PCLO: variants seen among roughly 807,000 people sequenced by gnomAD.
PCLO encodes piccolo presynaptic cytomatrix protein, also known as protein piccolo.
In PCLO, 82 loss-of-function variants were observed where a neutral mutation model predicts 427.5. The observed-to-expected ratio is 0.19, with a 90% confidence interval of 0.16 to 0.23. The LOEUF (loss-of-function observed/expected upper bound fraction) is 0.23. PCLO is among the 10% of genes least tolerant of loss of function. PCLO has a pLI of 1.00. For synonymous variants in PCLO, 2,357 were observed against 2,155.4 expected (o/e 1.09, Z -2.59); for missense variants, 6,239 against 6,115.9 (o/e 1.02, Z -0.67).
At chr7:83,100,109 CA>C (rs748844800) in intron 3 of PCLO, among the ~76,000 whole-genome samples, 3 of 152,048 alleles carry the variant, frequency 2.0e-5, no homozygotes, top group Non-Finnish European at 4.4e-5. Flanking sequence ...ACTGTGTCAA[CA>C]ATGTTGCTCA....
At chr7:82,842,866 C>T (rs1792401700) in intron 13 of PCLO, among the ~76,000 whole-genome samples, 1 of 151,980 alleles carries the variant, frequency 6.6e-6, no homozygotes, top group African/African-American at 2.4e-5. Flanking sequence ...TCAACTCACC[C>T]CAGTCAAAAT....
intron 22 of PCLO, among the ~76,000 whole-genome samples, chr7:82,770,009 G>A (rs752790907): frequency 2.0e-4 from 31 of 152,082 alleles, no homozygotes; most frequent in African/African-American, 7.5e-4. Flanking sequence ...AGTCATTATG[G>A]AAAGTCTTAT....
intron 3 of PCLO, among the ~76,000 whole-genome samples, chr7:83,015,410 T>G (rs1788182583): frequency 6.6e-6 from 1 of 152,060 alleles, no homozygotes; most frequent in African/African-American, 2.4e-5. Flanking sequence ...TGAGATTTCT[T>G]TTCTTTACTG....
At chr7:83,121,681 GAT>G (rs35164118) in intron 3 of PCLO, among the ~76,000 whole-genome samples, 74,321 of 151,392 alleles carry the variant, frequency 0.49, 19,107 homozygotes, top group East Asian at 0.69. Flanking sequence ...GATGGAAAAA[GAT>G]ATTTCATGCA....
intron 7 of PCLO, among the ~76,000 whole-genome samples, chr7:82,913,352 G>A (rs879013016): frequency 6.6e-6 from 1 of 151,990 alleles, no homozygotes; most frequent in African/African-American, 2.4e-5. Context: ...AAAGATGTAG[G>A]AAAAAAATCC....
chr7:82,892,301 A>C (rs1156958670), intron 9 of PCLO, among the ~76,000 whole-genome samples: 1 of 152,144 alleles, frequency 6.6e-6, no homozygotes, highest in Non-Finnish European at 1.5e-5. Context: ...ATCTTTGACA[A>C]ACCTGACAAA....
intron 6 of PCLO, among the ~76,000 whole-genome samples, chr7:82,941,162 T>C (rs1795076792): frequency 6.6e-6 from 1 of 151,922 alleles, no homozygotes; most frequent in African/African-American, 2.4e-5. Flanking sequence ...TAGAAGAAAA[T>C]CCCTTTGCTG....
intron 22 of PCLO, among the ~76,000 whole-genome samples, chr7:82,789,057 G>T (rs937903890): frequency 6.6e-6 from 1 of 151,056 alleles, no homozygotes; most frequent in African/African-American, 2.4e-5. Context: ...AGAAAACTAT[G>T]AAAAAAAATG....
chr7:83,052,660 T>A (rs1789283250), intron 3 of PCLO, among the ~76,000 whole-genome samples: 1 of 152,028 alleles, frequency 6.6e-6, no homozygotes. Context: ...TCTTTACTCC[T>A]CTGCTTTCAC....
At chr7:82,884,058 C>T (rs928192738) in intron 9 of PCLO, among the ~76,000 whole-genome samples, 3 of 152,124 alleles carry the variant, frequency 2.0e-5, no homozygotes, top group South Asian at 2.1e-4. Context: ...CGTGAGCCAC[C>T]GCGCCTGGAC....
chr7:82,828,744 G>T (rs1050776499), intron 16 of PCLO, among the ~76,000 whole-genome samples: 4 of 152,118 alleles, frequency 2.6e-5, no homozygotes, highest in Non-Finnish European at 5.9e-5. Context: ...TGCTGATGGG[G>T]TTGAAATTAG....
Position 82,916,317 on chromosome 7 carries a change from T to C in PCLO, c.11669A>G (p.Tyr3890Cys). 1 of 1,613,300 alleles carries C rather than the reference T, an allele frequency of 6.2e-7. No homozygotes were observed. The highest frequency in any genetic ancestry group is 8.5e-7 in the Non-Finnish European group (1 of 1,179,620). The change falls in exon 7 of 25, where the codon TAC becomes TGC. Residue 3890 changes from tyrosine to cysteine, a missense_variant. Physicochemically the swap from Tyr to Cys is radical, Grantham distance 194. Around this residue, in one of 5 missense-constraint regions of PCLO, gnomAD observed 680 missense variants for 677.3 expected, o/e 1.00. Transcript: ENST00000333891. ...PPTSPYTQYQ[Y>C]SSPALPTQAP... is the part of the protein sequence containing the mutation. ...TTGGGTAGGAAGAGCAGGGGAAGAG[T>C]ACTGGTATTGTGTGTAAGGACTTGT...
intron 1 of PCLO, among the ~76,000 whole-genome samples, chr7:83,160,504 C>T (rs1014614626): frequency 3.3e-5 from 5 of 151,980 alleles, no homozygotes; most frequent in Non-Finnish European, 5.9e-5. Context: ...TTATAGAAAT[C>T]TTTCAGTAAA....
chr7:82,844,998 A>G (rs1792461771), intron 13 of PCLO, among the ~76,000 whole-genome samples: 1 of 152,126 alleles, frequency 6.6e-6, no homozygotes, highest in Admixed American at 6.6e-5. Context: ...TGCAACAACA[A>G]AGAGAACCAG....
At chr7:83,002,929 T>C (rs995022694) in intron 3 of PCLO, among the ~76,000 whole-genome samples, 10 of 151,708 alleles carry the variant, frequency 6.6e-5, no homozygotes, top group African/African-American at 1.2e-4. Context: ...ATTTATATTA[T>C]AAAAATATTT....
At chr7:82,845,235 A>G in intron 13 of PCLO, 36 bp downstream of exon 13, 1 of 1,427,114 alleles carries the variant, frequency 7.0e-7, no homozygotes, top group Non-Finnish European at 9.9e-7. Flanking sequence ...AGAGCTAGAA[A>G]ACAAGTGGGT....
intron 24 of PCLO, among the ~76,000 whole-genome samples, 188 bp downstream of exon 24, chr7:82,760,451 C>T (rs1259372251): frequency 6.6e-6 from 1 of 151,872 alleles, no homozygotes; most frequent in Non-Finnish European, 1.5e-5. Flanking sequence ...GAAGGCTTGG[C>T]AGCTGATTGG....
At position 82,826,666 on chromosome 7, in the gene PCLO, T is replaced by G; in HGVS notation, c.14344-6A>C. The G allele has an allele frequency of 6.4e-7, 1 of 1,553,904 alleles. No individual in the cohort carries two copies. Among genetic ancestry groups the G allele is most frequent in the Non-Finnish European group, 8.8e-7 (1 of 1,135,984 alleles). ...TCCAGTGTTTTCTTCTTGAGCTATATAGTTCAAATAGAAATCTAATTAAAC... is the reference window on the plus strand; with the variant it reads ...TCCAGTGTTTTCTTCTTGAGCTATAGAGTTCAAATAGAAATCTAATTAAAC... On this transcript the variant is annotated splice_polypyrimidine_tract_variant and splice_region_variant and intron_variant, in intron 17 of 24. Coordinates refer to ENST00000333891, the MANE Select transcript of PCLO (RefSeq NM_033026.6).
In PCLO at chr7:82,977,059, C is replaced by T. The variant is rs140655812; in HGVS notation, c.3301-10572G>A. Among the ~76,000 whole-genome samples the T allele has an allele frequency of 3.0e-3, 457 of 151,776 alleles. 2 individuals are homozygous for T. Among genetic ancestry groups the T allele is most frequent in the African/African-American group, 0.01 (434 of 41,414 alleles). ...GTAAATTAGATATAAAATAAAAATT[C>T]GAAAAAATTTTTAAAGGAGTGTATA... On this transcript the variant is annotated intron_variant, in intron 3 of 24. Transcript: ENST00000333891.
Sources: gnomAD v4.1 joint callset for allele counts (sites outside exome capture counted in the v4.1 genomes callset) on GRCh38, gnomAD v4.1.1 for gene constraint, gnomAD v4.1.1 regional missense constraint, MANE v1.5 for transcripts, NCBI Gene and HGNC (gene_info 2026-07-23, HGNC 2026-07-21) for gene names.